Variants in ARHGAP28 observed in about 807,000 individuals in gnomAD.
ARHGAP28 encodes the protein rho GTPase-activating protein 28.
A neutral mutation model predicts 90.7 loss-of-function variants in ARHGAP28; 56 were observed. The observed-to-expected ratio is 0.62, with a 90% CI of 0.50 to 0.77. The LOEUF is 0.77. Ranked by LOEUF, ARHGAP28 falls within the 30% of genes least tolerant of loss-of-function variation. The pLI is 0.00. For missense variants in ARHGAP28, 869 were observed against 900.9 expected (o/e 0.96, Z 0.45); for synonymous variants, 308 against 323.3 (o/e 0.95, Z 0.51).
At chr18:6,876,737 C>T (rs753435277) in intron 10 of ARHGAP28, among the ~76,000 whole-genome samples, 8 of 152,212 alleles carry the variant, frequency 5.3e-5, no homozygotes, top group Non-Finnish European at 7.3e-5. Context: ...CACTAGAATA[C>T]TCACTCAGCA....
chr18:6,883,568 G>A (rs2143658399), intron 11 of ARHGAP28, among the ~76,000 whole-genome samples: 1 of 152,220 alleles, frequency 6.6e-6, no homozygotes, highest in African/African-American at 2.4e-5. Flanking sequence ...AAAATGTTGT[G>A]TGAACTTAAC....
At chr18:6,878,817 C>T (rs1484607974) in intron 10 of ARHGAP28, among the ~76,000 whole-genome samples, 1 of 152,106 alleles carries the variant, frequency 6.6e-6, no homozygotes, top group Non-Finnish European at 1.5e-5. Context: ...GAAACACTGC[C>T]GTTAGAAAGA....
chr18:6,903,199 A>G (rs114798240), intron 16 of ARHGAP28, among the ~76,000 whole-genome samples: 207 of 152,336 alleles, frequency 1.4e-3, no homozygotes, highest in Middle Eastern at 6.8e-3. Context: ...AGTTTTACAG[A>G]TAAAAAGAGT....
At chr18:6,896,446 T>C in intron 15 of ARHGAP28, 56 bp from the exon 16 acceptor site, 1 of 1,599,848 alleles carries the variant, frequency 6.3e-7, no homozygotes, top group Non-Finnish European at 8.5e-7. Context: ...AGTGCATCAT[T>C]GAGCCGATAT....
In ARHGAP28 at chr18:6,882,183, A is replaced by C. The variant is rs746451560; in HGVS notation, c.1337A>C (p.Lys446Thr). The change falls in exon 11 of 18, where the codon AAA becomes ACA. Residue 446 changes from lysine (K) to threonine (T), a missense_variant. Physicochemically the swap from Lys to Thr is moderately conservative, Grantham distance 78. Coordinates refer to ENST00000383472, the MANE Select transcript of ARHGAP28 (RefSeq NM_001366230.1). ...GCCAAGTTTAATGCTGATAAATTTA[A>C]ATGGGACAAAATGTGCCATAGAGAA... Reference protein sequence around the residue: ...LDAKFNADKFKWDKMCHREAA... With the variant: ...LDAKFNADKFTWDKMCHREAA... 8 of 1,614,064 alleles carry C rather than the reference A, an allele frequency of 5.0e-6. No homozygotes were observed. The highest frequency in any genetic ancestry group is 6.8e-6 in the Non-Finnish European group (8 of 1,179,974).
intron 2 of ARHGAP28, among the ~76,000 whole-genome samples, chr18:6,830,517 G>C (rs1338435173): frequency 6.6e-6 from 1 of 151,996 alleles, no homozygotes; most frequent in Non-Finnish European, 1.5e-5. Context: ...TCCCCTCCCT[G>C]TGTCCATGTA....
intron 1 of ARHGAP28, among the ~76,000 whole-genome samples, chr18:6,823,457 T>A (rs533973286): frequency 6.6e-6 from 1 of 152,292 alleles, no homozygotes; most frequent in Admixed American, 6.5e-5. Flanking sequence ...TTCTAACTTT[T>A]GGCTATTGTG....
rs543316833 is a variant in ARHGAP28, at chr18:6,766,430, G to A, written c.122+36487G>A. ...GTGCTGCTGAGACCTCCTTTCCAAA[G>A]AGTGGAATACTTAGCCCACAGCCTC... On this transcript the variant is annotated intron_variant, in intron 1 of 17. Coordinates refer to ENST00000383472, the MANE Select transcript of ARHGAP28 (RefSeq NM_001366230.1). Among the ~76,000 whole-genome samples, 7 of 152,266 alleles carry A rather than the reference G, an allele frequency of 4.6e-5. 1 individual carries two copies. Among genetic ancestry groups the A allele is most frequent in the Admixed American group, 3.3e-4 (5 of 15,302 alleles).
At chr18:6,841,101 G>A (rs1275373324) in intron 3 of ARHGAP28, among the ~76,000 whole-genome samples, 1 of 140,480 alleles carries the variant, frequency 7.1e-6, no homozygotes, top group Non-Finnish European at 1.5e-5. Context: ...CCTGTCCTGT[G>A]TCTCTGGGGT....
chr18:6,905,677 A>C (rs2057361286), intron 16 of ARHGAP28, among the ~76,000 whole-genome samples: 1 of 152,194 alleles, frequency 6.6e-6, no homozygotes, highest in African/African-American at 2.4e-5. Context: ...AAGACCTAGA[A>C]GTAATAAGTC....
chr18:6,801,349 A>G (rs952786219), intron 1 of ARHGAP28, among the ~76,000 whole-genome samples: 2 of 152,266 alleles, frequency 1.3e-5, no homozygotes, highest in East Asian at 1.9e-4. Flanking sequence ...TTTGGGCTCT[A>G]TTCTGTTCTA....
chr18:6,837,541 A>G (rs1202013245), intron 3 of ARHGAP28, 127 bp downstream of exon 3: 3 of 722,974 alleles, frequency 4.1e-6, no homozygotes, highest in Non-Finnish European at 6.8e-6. Flanking sequence ...TTTTTGAGAA[A>G]ACTAAAGCAG....
intron 1 of ARHGAP28, among the ~76,000 whole-genome samples, chr18:6,769,517 T>C (rs1248429853): frequency 6.6e-6 from 1 of 152,220 alleles, no homozygotes; most frequent in Admixed American, 6.5e-5. Context: ...GGATTTGCAT[T>C]CATAAACTCA....
At position 6,912,234 on chromosome 18, in the gene ARHGAP28, T is replaced by C. The variant is rs2057403517; in HGVS notation, c.*80T>C. 1.3e-6 allele frequency: 1 copy of C among 743,676 alleles called. No homozygotes were observed. Among genetic ancestry groups the C allele is most frequent in the Admixed American group, 2.7e-5 (1 of 37,404 alleles). The allele number at this position is 743,676 out of a possible 1,614,324, so 46.1% of individuals were successfully genotyped here. A position where few individuals can be genotyped will look rare whatever the true frequency, so the allele number is the denominator to read the frequency against. On this transcript the variant is annotated 3_prime_UTR_variant, in exon 18 of 18. Transcript: ENST00000383472. ...TTGGTAGGGAAAAAACAACACTGTG[T>C]TTGACGTATTTGTTCCTACAGCATT...
chr18:6,813,577 A>G (rs1360927162), intron 1 of ARHGAP28, among the ~76,000 whole-genome samples: 2 of 152,194 alleles, frequency 1.3e-5, no homozygotes, highest in South Asian at 4.1e-4. Flanking sequence ...TCAATTTGAT[A>G]ACTTATTTTG....
At chr18:6,840,490 C>T (rs1016099962) in intron 3 of ARHGAP28, among the ~76,000 whole-genome samples, 3 of 152,096 alleles carry the variant, frequency 2.0e-5, no homozygotes, top group Non-Finnish European at 4.4e-5. Context: ...ATTTAGACCA[C>T]GAAGGGAAAG....
At chr18:6,801,576 G>T (rs929692618) in intron 1 of ARHGAP28, among the ~76,000 whole-genome samples, 1 of 151,892 alleles carries the variant, frequency 6.6e-6, no homozygotes, top group African/African-American at 2.4e-5. Flanking sequence ...TTGAATCATT[G>T]AATATATTGA....
chr18:6,791,035 TAGTC>T (rs1282388156), intron 1 of ARHGAP28: 3 of 152,170 alleles, frequency 2.0e-5, no homozygotes, highest in Non-Finnish European at 4.4e-5. Context: ...TAAAGTGTAT[TAGTC>T]AGGGTTCTCT....
intron 3 of ARHGAP28, among the ~76,000 whole-genome samples, chr18:6,841,218 TCTCTCC>T (rs2056823792): frequency 1.8e-5 from 2 of 114,166 alleles, no homozygotes; most frequent in South Asian, 3.3e-4. Flanking sequence ...CCTCTCTCTC[TCTCTCC>T]CCCCAACCCG....
Sources: allele counts gnomAD v4.1 joint callset (sites outside exome capture counted in the v4.1 genomes callset), GRCh38; gene constraint gnomAD v4.1.1; transcripts MANE v1.5; gene names NCBI Gene and HGNC (gene_info 2026-07-23, HGNC 2026-07-21).